Variants in ALG5 observed in about 807,000 individuals in gnomAD.
ALG5 encodes the protein ALG5 dolichyl-phosphate beta-glucosyltransferase.
In ALG5, 26 loss-of-function variants were observed where a neutral mutation model predicts 51.8. The observed-to-expected ratio is 0.50, with a 90% CI of 0.37 to 0.70. ALG5 has a LOEUF of 0.70. Ranked by LOEUF, ALG5 falls within the 30% of genes least tolerant of loss-of-function variation. The probability of loss-of-function intolerance (pLI) is 0.00; values close to 1 mark genes in which losing one functional copy is unlikely to be tolerated. For synonymous variants in ALG5, 141 were observed against 136.1 expected (o/e 1.04, Z -0.25); for missense variants, 311 against 399.3 (o/e 0.78, Z 1.88).
intron 7 of ALG5, among the ~76,000 whole-genome samples, chr13:36,966,471 T>G (rs2138792675): frequency 6.6e-6 from 1 of 152,326 alleles, no homozygotes; most frequent in East Asian, 1.9e-4. Context: ...CTTTCACATT[T>G]AAGATTTAGT....
intron 7 of ALG5, among the ~76,000 whole-genome samples, chr13:36,971,050 G>A (rs1024326630): frequency 2.0e-5 from 3 of 152,056 alleles, no homozygotes; most frequent in Admixed American, 2.0e-4. Flanking sequence ...CCGAATCATT[G>A]GGGGAAAGGT....
chr13:36,992,222 T>C (rs2059028669), intron 4 of ALG5, among the ~76,000 whole-genome samples: 1 of 152,138 alleles, frequency 6.6e-6, no homozygotes, highest in South Asian at 2.1e-4. Flanking sequence ...ATTTCCAGTA[T>C]TATTAATAGA....
At chr13:36,998,812 G>A (rs537970355) in intron 1 of ALG5, 20 of 163,994 alleles carry the variant, frequency 1.2e-4, no homozygotes, top group African/African-American at 4.8e-4. Flanking sequence ...AGCCAAGGGA[G>A]CAGGCTAGGG....
chr13:36,969,416 AT>A (rs34888109), intron 7 of ALG5, among the ~76,000 whole-genome samples: 134,016 of 148,584 alleles, frequency 0.9, 60,588 homozygotes, highest in East Asian at 1. Context: ...TCATTAATAT[AT>A]TTTAAAAAAA....
intron 5 of ALG5, among the ~76,000 whole-genome samples, 192 bp from the exon 6 acceptor site, chr13:36,985,932 TCATTA>T (rs2059000058): frequency 6.6e-6 from 1 of 152,214 alleles, no homozygotes; most frequent in Non-Finnish European, 1.5e-5. Context: ...TTGCCTATCT[TCATTA>T]TTTTAAAAAC....
chr13:36,989,208 G>T (rs1041611145), intron 5 of ALG5, among the ~76,000 whole-genome samples: 1 of 152,060 alleles, frequency 6.6e-6, no homozygotes, highest in African/African-American at 2.4e-5. Context: ...AACCACATAA[G>T]CTATCTGCTA....
At chr13:36,975,183 C>A (rs1226817553) in intron 6 of ALG5, among the ~76,000 whole-genome samples, 1 of 152,160 alleles carries the variant, frequency 6.6e-6, no homozygotes, top group African/African-American at 2.4e-5. Context: ...TGCATCCCAG[C>A]CTGGGCAACA....
intron 8 of ALG5, among the ~76,000 whole-genome samples, chr13:36,954,033 G>T (rs1156886961): frequency 2.0e-5 from 3 of 150,426 alleles, no homozygotes; most frequent in Non-Finnish European, 2.9e-5. Context: ...GTAAAAAAGA[G>T]TGGGGTGGTT....
At chr13:36,991,038 CAT>C (rs1372381145) in intron 4 of ALG5, among the ~76,000 whole-genome samples, 2 of 152,228 alleles carry the variant, frequency 1.3e-5, no homozygotes, top group African/African-American at 2.4e-5. Context: ...CTAAGCATCA[CAT>C]ATGAGTTCCT....
intron 8 of ALG5, among the ~76,000 whole-genome samples, chr13:36,960,951 T>C (rs1223481633): frequency 1.3e-5 from 2 of 151,988 alleles, no homozygotes; most frequent in African/African-American, 4.8e-5. Flanking sequence ...GGCCCAAGTA[T>C]TTTAACTTCC....
At chr13:36,962,242 GC>G (rs1274060672) in intron 8 of ALG5, among the ~76,000 whole-genome samples, 2 of 152,040 alleles carry the variant, frequency 1.3e-5, no homozygotes, top group African/African-American at 4.8e-5. Flanking sequence ...TGGAAATAAG[GC>G]ATAGATATAC....
chr13:36,997,906 C>T (rs1231971307), intron 1 of ALG5, among the ~76,000 whole-genome samples: 1 of 152,086 alleles, frequency 6.6e-6, no homozygotes, highest in Non-Finnish European at 1.5e-5. Context: ...CTAAGTTTCA[C>T]TAGTTGTGCA....
intron 5 of ALG5, among the ~76,000 whole-genome samples, chr13:36,988,235 C>T (rs1238226868): frequency 6.6e-6 from 1 of 152,192 alleles, no homozygotes; most frequent in Non-Finnish European, 1.5e-5. Flanking sequence ...TGTCTCCCTA[C>T]TAAACTGTGA....
At chr13:36,975,092 T>C (rs1593671812) in intron 6 of ALG5, among the ~76,000 whole-genome samples, 1 of 152,174 alleles carries the variant, frequency 6.6e-6, no homozygotes, top group South Asian at 2.1e-4. Flanking sequence ...GCGCCTGTAG[T>C]CCCAGCCACT....
chr13:36,958,373 G>A (rs575335502), intron 8 of ALG5, among the ~76,000 whole-genome samples: 1 of 152,166 alleles, frequency 6.6e-6, no homozygotes, highest in South Asian at 2.1e-4. Context: ...TTCAATCCCT[G>A]TATTTTTAAC....
At chr13:36,982,187 AGGGCT>A (rs1367664825) in intron 6 of ALG5, among the ~76,000 whole-genome samples, 6 of 152,228 alleles carry the variant, frequency 3.9e-5, no homozygotes, top group Non-Finnish European at 8.8e-5. Context: ...GACTCTCTGA[AGGGCT>A]GTCACAAAGA....
In ALG5 at chr13:36,989,116, T is replaced by C. The variant is rs2059014531; in HGVS notation, c.447+368A>G. Reference sequence around the variant, plus strand: ...TCAGGACAGACCCAAGTCAAATTCATCTTAGTTCATGCTACCATGCATAAC... The same window carrying C: ...TCAGGACAGACCCAAGTCAAATTCACCTTAGTTCATGCTACCATGCATAAC... On this transcript the variant is annotated intron_variant, in intron 5 of 9. Transcript: ENST00000239891. Among the ~76,000 whole-genome samples, 3 of 152,168 alleles carry C rather than the reference T, an allele frequency of 2.0e-5. No homozygotes were observed. The South Asian group carries it at 6.2e-4, about 31-fold the overall frequency.
intron 8 of ALG5, among the ~76,000 whole-genome samples, chr13:36,965,089 T>C (rs1376116517): frequency 6.6e-6 from 1 of 152,010 alleles, no homozygotes; most frequent in Non-Finnish European, 1.5e-5. Flanking sequence ...GCAGGGTCAA[T>C]GGAAAGGGTT....
chr13:36,957,061 A>C (rs2058843132), intron 8 of ALG5, among the ~76,000 whole-genome samples: 2 of 151,960 alleles, frequency 1.3e-5, no homozygotes, highest in South Asian at 4.2e-4. Context: ...ACCAATGGAA[A>C]TTACTTAAAA....
Sources: allele counts gnomAD v4.1 joint callset (sites outside exome capture counted in the v4.1 genomes callset), GRCh38; gene constraint gnomAD v4.1.1; transcripts MANE v1.5; gene names NCBI Gene and HGNC (gene_info 2026-07-23, HGNC 2026-07-21).